CALN1: variants seen among roughly 807,000 people sequenced by gnomAD.
CALN1 encodes calneuron 1.
CALN1 carries 17 observed loss-of-function variants against 30.6 expected under a neutral mutation model. The observed-to-expected ratio is 0.56, with a 90% confidence interval of 0.38 to 0.83. The LOEUF is 0.83. Among genes scored for constraint, CALN1 ranks in the 40% least tolerant of loss-of-function variants. CALN1 has a pLI of 0.00. For missense variants in CALN1, 291 were observed against 354.9 expected, an observed-to-expected ratio of 0.82 and a Z score of 1.45; for synonymous variants, 156 against 131.4, an observed-to-expected ratio of 1.19 and a Z score of -1.28.
intron 3 of CALN1, among the ~76,000 whole-genome samples, chr7:72,226,261 A>T (rs1009471026): frequency 1.3e-5 from 2 of 151,978 alleles, no homozygotes; most frequent in Non-Finnish European, 2.9e-5. Context: ...AATAATTAAA[A>T]AAAGAAAGAA....
chr7:72,354,677 T>C (rs1358353613), intron 2 of CALN1, among the ~76,000 whole-genome samples: 1 of 152,156 alleles, frequency 6.6e-6, no homozygotes, highest in Non-Finnish European at 1.5e-5. Flanking sequence ...GCCAAATTAA[T>C]TCAAATTAAT....
the CALN1 span, among the ~76,000 whole-genome samples, chr7:72,493,058 A>G: frequency 6.6e-6 from 1 of 152,272 alleles, no homozygotes; most frequent in South Asian, 2.1e-4. Flanking sequence ...TTTGGCAACT[A>G]TCACCACAAC....
chr7:72,138,426 G>A (rs1044164537), intron 3 of CALN1, among the ~76,000 whole-genome samples: 15 of 152,102 alleles, frequency 9.9e-5, no homozygotes, highest in African/African-American at 2.9e-4. Context: ...TTTTCCCGAC[G>A]CCATCTGAAG....
intron 5 of CALN1, among the ~76,000 whole-genome samples, chr7:71,893,937 T>C (rs1000410348): frequency 6.6e-6 from 1 of 152,108 alleles, no homozygotes; most frequent in Non-Finnish European, 1.5e-5. Context: ...ATCAGGCTTG[T>C]ACTCCTTCCC....
intron 5 of CALN1, among the ~76,000 whole-genome samples, chr7:71,822,223 T>C (rs112100492): frequency 1.1e-3 from 159 of 147,128 alleles, no homozygotes; most frequent in African/African-American, 4.0e-3. Flanking sequence ...TAAACATATT[T>C]GGCTGTACTG....
At chr7:72,057,845 T>C (rs1470346440) in intron 4 of CALN1, among the ~76,000 whole-genome samples, 1 of 152,222 alleles carries the variant, frequency 6.6e-6, no homozygotes, top group East Asian at 1.9e-4. Flanking sequence ...AATATGTTTG[T>C]AATGGAACAG....
chr7:72,427,977 C>T (rs1191417747), intron 1 of CALN1, among the ~76,000 whole-genome samples: 1 of 152,176 alleles, frequency 6.6e-6, no homozygotes, highest in Non-Finnish European at 1.5e-5. Flanking sequence ...AACATTTTTA[C>T]ACCTGATATT....
At chr7:72,337,396 C>T (rs1802137855) in intron 2 of CALN1, among the ~76,000 whole-genome samples, 1 of 128,830 alleles carries the variant, frequency 7.8e-6, no homozygotes, top group South Asian at 2.7e-4. Context: ...AGGAACGCCT[C>T]GGCGCGCGCG....
At chr7:72,392,286 T>A (rs1805624968) in intron 2 of CALN1, among the ~76,000 whole-genome samples, 1 of 152,188 alleles carries the variant, frequency 6.6e-6, no homozygotes, top group Admixed American at 6.5e-5. Flanking sequence ...AGATACAAGC[T>A]GTCTCTACTG....
chr7:72,228,113 G>C (rs1387798087), intron 3 of CALN1, among the ~76,000 whole-genome samples: 2 of 151,984 alleles, frequency 1.3e-5, no homozygotes, highest in East Asian at 3.9e-4. Flanking sequence ...TTTCTTTGTC[G>C]TGGGAACTTC....
intron 2 of CALN1, among the ~76,000 whole-genome samples, chr7:72,312,653 A>G (rs1800133962): frequency 6.6e-6 from 1 of 152,136 alleles, no homozygotes; most frequent in Admixed American, 6.6e-5. Flanking sequence ...CAGAAAGGAC[A>G]AGTAAGTCAA....
At chr7:72,203,690 G>A (rs1032465979) in intron 3 of CALN1, among the ~76,000 whole-genome samples, 19 of 152,170 alleles carry the variant, frequency 1.2e-4, no homozygotes, top group Non-Finnish European at 1.0e-4. Context: ...ACTGCTGGAT[G>A]CTGTACGAAA....
intron 4 of CALN1, among the ~76,000 whole-genome samples, chr7:72,085,478 T>A (rs1312922488): frequency 2.8e-5 from 4 of 141,744 alleles, no homozygotes; most frequent in Non-Finnish European, 6.1e-5. Context: ...AATTTAACTT[T>A]ATTATAACTA....
intron 6 of CALN1, among the ~76,000 whole-genome samples, chr7:71,801,606 T>C (rs1191445256): frequency 1.3e-5 from 2 of 152,038 alleles, no homozygotes; most frequent in Non-Finnish European, 2.9e-5. Context: ...AACTTGTCTC[T>C]CAGGGCCATG....
At chr7:72,034,367 A>AG (rs1281322876) in intron 4 of CALN1, among the ~76,000 whole-genome samples, 2 of 150,676 alleles carry the variant, frequency 1.3e-5, no homozygotes, top group East Asian at 2.0e-4. Flanking sequence ...AAAAAAAAAA[A>AG]AAAGAAAAGA....
intron 3 of CALN1, among the ~76,000 whole-genome samples, chr7:72,200,274 G>A (rs7789314): frequency 6.5e-4 from 99 of 152,152 alleles, no homozygotes; most frequent in African/African-American, 2.0e-3. Context: ...GAATCCCAGC[G>A]TTACCACCTA....
chr7:71,881,663 T>A (rs1792575630), intron 5 of CALN1, among the ~76,000 whole-genome samples: 1 of 152,140 alleles, frequency 6.6e-6, no homozygotes, highest in South Asian at 2.1e-4. Flanking sequence ...AGGGTAAGGC[T>A]CTGCAAGGCT....
At chr7:72,398,596 T>C (rs1213846645) in intron 2 of CALN1, among the ~76,000 whole-genome samples, 3 of 152,184 alleles carry the variant, frequency 2.0e-5, no homozygotes, top group Non-Finnish European at 2.9e-5. Context: ...ATCACTCTAG[T>C]CCCTGGAATC....
chr7:72,458,193 TA>T, the CALN1 span, among the ~76,000 whole-genome samples: 87 of 119,888 alleles, frequency 7.3e-4, no homozygotes, highest in Middle Eastern at 4.1e-3. Flanking sequence ...TTTAATATAT[TA>T]TAATATATAA....
Sources: gnomAD v4.1 joint callset for allele counts (sites outside exome capture counted in the v4.1 genomes callset) on GRCh38, gnomAD v4.1.1 for gene constraint, MANE v1.5 for transcripts, NCBI Gene and HGNC (gene_info 2026-07-23, HGNC 2026-07-21) for gene names.